The following PREX1 variants were observed in gnomAD, a reference collection of about 807,000 sequenced individuals.
PREX1 encodes the protein phosphatidylinositol 3,4,5-trisphosphate-dependent Rac exchanger 1 protein.
A neutral mutation model predicts 198.3 loss-of-function variants in PREX1; 41 were observed. That is an observed-to-expected ratio of 0.21 (90% CI 0.16 to 0.27). The LOEUF (loss-of-function observed/expected upper bound fraction) is 0.27. Among genes scored for constraint, PREX1 ranks in the 10% least tolerant of loss-of-function variants. The pLI is 1.00. For missense variants in PREX1, 1,620 were observed against 2,200.7 expected (o/e 0.74, Z 5.28); for synonymous variants, 843 against 887.2 (o/e 0.95, Z 0.89).
rs1568791973 is a variant in PREX1 at position 48,634,174 on chromosome 20, G to GGATGGATGGA, written c.4267+501_4267+502insTCCATCCATC. ...TGGATGGATGGATGGATGGATGGAT[G>GGATGGATGGA]CATGGATGGATGGATGGATGGATGG... On this transcript the variant is annotated intron_variant, in intron 33 of 39. Coordinates refer to ENST00000371941, the MANE Select transcript of PREX1 (RefSeq NM_020820.4). Among the ~76,000 whole-genome samples the GGATGGATGGA allele has an allele frequency of 1.0e-3, 82 of 81,908 alleles. 1 individual carries two copies. Among genetic ancestry groups the GGATGGATGGA allele is most frequent in the South Asian group, 2.7e-3 (6 of 2,210 alleles). The allele number at this position is 81,908 out of a possible 152,430, so 53.7% of individuals were successfully genotyped here. A position where few individuals can be genotyped will look rare whatever the true frequency, so the allele number is the denominator to read the frequency against.
chr20:48,812,838 A>G (rs114274666), intron 1 of PREX1, among the ~76,000 whole-genome samples: 62 of 152,304 alleles, frequency 4.1e-4, no homozygotes, highest in African/African-American at 1.4e-3. Context: ...GCTGATGGAG[A>G]GCATTTAGCA....
rs753520234 is a variant in PREX1, at chr20:48,634,737, C to T, written c.4206G>A (p.Thr1402=). Reference sequence around the variant, plus strand: ...AGGTGACATTGTCCAGCTCTGACAGCGTCACCCAGATGTCCTCCAGCATGG... The same window carrying T: ...AGGTGACATTGTCCAGCTCTGACAGTGTCACCCAGATGTCCTCCAGCATGG... The part of the protein sequence containing the change: ...ERTMLEDIWV[T]LSELDNVTFS... Residue 1402 remains threonine, a synonymous_variant, in exon 33 of 40, where the codon ACG becomes ACA. Transcript: ENST00000371941. 6 of 1,614,220 alleles carry T rather than the reference C, an allele frequency of 3.7e-6. No individual in the cohort carries two copies. Among genetic ancestry groups the T allele is most frequent in the Non-Finnish European group, 5.1e-6 (6 of 1,180,036 alleles).
At chr20:48,634,571 G>C in intron 33 of PREX1, 105 bp downstream of exon 33, 1 of 1,168,348 alleles carries the variant, frequency 8.6e-7, no homozygotes, top group South Asian at 1.4e-5. Context: ...GCCCACCTTG[G>C]GCAGCTGGCC....
At chr20:48,762,175 A>G (rs546247920) in intron 1 of PREX1, among the ~76,000 whole-genome samples, 1 of 152,242 alleles carries the variant, frequency 6.6e-6, no homozygotes, top group South Asian at 2.1e-4. Context: ...AGCCGTTCAG[A>G]ATTTATCTCC....
chr20:48,672,482 C>T (rs773557833), intron 14 of PREX1, among the ~76,000 whole-genome samples: 3 of 152,262 alleles, frequency 2.0e-5, no homozygotes, highest in Non-Finnish European at 4.4e-5. Context: ...GGGGACCTGT[C>T]TGAACTGAAG....
intron 5 of PREX1, among the ~76,000 whole-genome samples, chr20:48,718,123 G>A (rs2089970330): frequency 6.6e-6 from 1 of 152,218 alleles, no homozygotes; most frequent in Admixed American, 6.5e-5. Flanking sequence ...CACGTGCCCT[G>A]CAGGTATCTG....
rs112566502 is a variant in PREX1 at position 48,681,125 on chromosome 20, C to T, written c.1435+110G>A. On this transcript the variant is annotated intron_variant, in intron 11 of 39. Transcript: ENST00000371941. ...CGGGCCACACTGTGCCCAGAAAACA[C>T]GGCGGCTGCACGAAAGGATAGGAGC... is the stretch of plus-strand genomic sequence containing the variant. The T allele has an allele frequency of 1.5e-4, 139 of 942,768 alleles. 1 individual carries two copies. The African/African-American group carries it at 1.8e-3, about 12-fold the overall frequency. The allele number at this position is 942,768 out of a possible 1,614,324, so 58.4% of individuals were successfully genotyped here.
intron 30 of PREX1, among the ~76,000 whole-genome samples, chr20:48,639,197 A>G (rs2089389609): frequency 6.6e-6 from 1 of 152,234 alleles, no homozygotes; most frequent in Non-Finnish European, 1.5e-5. Flanking sequence ...CCCCACGTAC[A>G]CAGAGCGGCC....
At chr20:48,635,288 C>A (rs2089353504) in intron 32 of PREX1, among the ~76,000 whole-genome samples, 1 of 152,204 alleles carries the variant, frequency 6.6e-6, no homozygotes, top group South Asian at 2.1e-4. Flanking sequence ...AGCTTCCTGG[C>A]CACCACCCAG....
At chr20:48,634,046 CATGG>C (rs1263423260) in intron 33 of PREX1, among the ~76,000 whole-genome samples, 1 of 140,268 alleles carries the variant, frequency 7.1e-6, no homozygotes, top group East Asian at 2.2e-4. Flanking sequence ...TGAATGGATG[CATGG>C]ATGGATGGAT....
the PREX1 span, among the ~76,000 whole-genome samples, chr20:48,843,158 T>G: frequency 6.6e-6 from 1 of 152,212 alleles, no homozygotes; most frequent in Non-Finnish European, 1.5e-5. Flanking sequence ...TATTACTCAA[T>G]GATCCTAAAG....
chr20:48,654,120 A>G (rs537404784), intron 19 of PREX1, among the ~76,000 whole-genome samples: 1 of 152,212 alleles, frequency 6.6e-6, no homozygotes, highest in Non-Finnish European at 1.5e-5. Context: ...TGGCTCTGCC[A>G]TAGACCGACC....
chr20:48,780,127 T>C (rs2090281658), intron 1 of PREX1, among the ~76,000 whole-genome samples: 1 of 152,208 alleles, frequency 6.6e-6, no homozygotes, highest in Admixed American at 6.5e-5. Context: ...ATTGTGTAAG[T>C]GTCTATACAT....
the PREX1 span, among the ~76,000 whole-genome samples, chr20:48,853,878 ACT>A: frequency 0.043 from 6,573 of 151,986 alleles, 211 homozygotes; most frequent in African/African-American, 0.088. Context: ...TGGTGAGAAA[ACT>A]CTTCATAAAC....
the PREX1 span, among the ~76,000 whole-genome samples, chr20:48,884,438 T>C: frequency 6.6e-6 from 1 of 152,230 alleles, no homozygotes; most frequent in African/African-American, 2.4e-5. Flanking sequence ...TGTGACAATA[T>C]AATCTTTTCA....
At chr20:48,883,118 A>G in the PREX1 span, among the ~76,000 whole-genome samples, 1 of 151,850 alleles carries the variant, frequency 6.6e-6, no homozygotes, top group African/African-American at 2.4e-5. Context: ...TTTTTTTAGT[A>G]GAGACGGGGT....
intron 4 of PREX1, among the ~76,000 whole-genome samples, 174 bp downstream of exon 4, chr20:48,734,372 T>C (rs987377868): frequency 6.6e-6 from 1 of 152,162 alleles, no homozygotes; most frequent in East Asian, 1.9e-4. Flanking sequence ...GCCAAAAATA[T>C]TCCCCAGCTG....
chr20:48,818,730 TC>T (rs1448884696), intron 1 of PREX1, among the ~76,000 whole-genome samples: 2 of 152,208 alleles, frequency 1.3e-5, no homozygotes, highest in East Asian at 3.9e-4. Flanking sequence ...GGAGTACCGA[TC>T]CCGCCAAACA....
At chr20:48,716,402 G>GT (rs1241721752) in intron 5 of PREX1, among the ~76,000 whole-genome samples, 2 of 152,292 alleles carry the variant, frequency 1.3e-5, no homozygotes, top group East Asian at 1.9e-4. Context: ...CAGCATGGCC[G>GT]TAAGAGGCAG....
Sources: allele counts gnomAD v4.1 joint callset (sites outside exome capture counted in the v4.1 genomes callset), GRCh38; gene constraint gnomAD v4.1.1; transcripts MANE v1.5; gene names NCBI Gene and HGNC (gene_info 2026-07-23, HGNC 2026-07-21).